SAGE1: variants seen among roughly 807,000 people sequenced by gnomAD.
SAGE1 encodes the protein sarcoma antigen 1.
Under a neutral mutation model 55.4 loss-of-function variants are expected in SAGE1, and 55 were observed. The ratio of observed to expected loss-of-function variants is 0.99; its 90% CI spans 0.80 to 1.24. The LOEUF is 1.24. Among genes scored for constraint, SAGE1 ranks in the 50% most tolerant of loss-of-function variants. The probability of loss-of-function intolerance (pLI) is 0.00; values close to 1 mark genes in which losing one functional copy is unlikely to be tolerated. For synonymous variants in SAGE1, 240 were observed against 244.3 expected (o/e 0.98, Z 0.17); for missense variants, 710 against 704.4 (o/e 1.01, Z -0.09).
At chrX:135,898,266 G>T (rs1364405905) in intron 2 of SAGE1, among the ~76,000 whole-genome samples, 2 of 110,950 alleles carry the variant, frequency 1.8e-5, no homozygotes, top group African/African-American at 6.5e-5. Flanking sequence ...TGATCCGCCC[G>T]CCTTGGCCTC....
chrX:135,901,111 C>T (rs1258195007), intron 2 of SAGE1, among the ~76,000 whole-genome samples: 2 of 87,782 alleles, frequency 2.3e-5, no homozygotes, highest in Non-Finnish European at 4.2e-5. Context: ...CAATTGCAAT[C>T]CAGCCTGGGC....
chrX:135,906,272 T>A (rs1247636974), intron 6 of SAGE1, 108 bp downstream of exon 6: 86 of 1,068,682 alleles, frequency 8.0e-5, no homozygotes, highest in Non-Finnish European at 1.1e-4. Context: ...GGCCTAAATC[T>A]GAGGGGTCTC....
chrX:135,896,859 G>C (rs781784617), intron 2 of SAGE1, among the ~76,000 whole-genome samples: 2 of 111,233 alleles, frequency 1.8e-5, no homozygotes, highest in Non-Finnish European at 3.8e-5. Flanking sequence ...GCACCTGGCC[G>C]AACTGATGTT....
rs185646582 is a variant in SAGE1 at position 135,906,885 on chromosome X, T to C, written c.737-41T>C. On this transcript the variant is annotated intron_variant, in intron 7 of 19. Transcript: ENST00000370709. Reference sequence around the variant, plus strand: ...GGATATACCTGTGGGGTTACCATAATACACTTACCTAACAGCTCAGCCTCT... The same window carrying C: ...GGATATACCTGTGGGGTTACCATAACACACTTACCTAACAGCTCAGCCTCT... 19 of 1,186,337 alleles carry C rather than the reference T, an allele frequency of 1.6e-5. No homozygotes were observed. The Admixed American group carries it at 2.9e-4, about 18-fold the overall frequency.
rs1012296593 is a variant in SAGE1 at position 135,911,824 on chromosome X, C to G, written c.2392C>G (p.Pro798Ala). Reference protein sequence around the residue: ...TKNYSVSAGDPPVTVMSLVET... With the variant: ...TKNYSVSAGDAPVTVMSLVET... ...AAACTACAGTGTCTCTGCAGGTGAC[C>G]CACCAGTTACAGTAATGTCTTTGGT... The change falls in exon 18 of 20, where the codon CCA (proline) becomes GCA (alanine). Residue 798 changes from proline (P) to alanine (A), a missense_variant. Coordinates refer to ENST00000370709, the MANE Select transcript of SAGE1 (RefSeq NM_001381902.1). 2.5e-6 allele frequency: 3 copies of G among 1,208,617 alleles called. No individual in the cohort carries two copies. The highest frequency in any genetic ancestry group is 3.4e-6 in the Non-Finnish European group (3 of 893,785).
At chrX:135,900,486 G>C (rs1214067363) in intron 2 of SAGE1, among the ~76,000 whole-genome samples, 1 of 111,114 alleles carries the variant, frequency 9.0e-6, no homozygotes, top group Non-Finnish European at 1.9e-5. Context: ...TTTGGTATCA[G>C]GGTGATGCTG....
intron 7 of SAGE1, 44 bp from the exon 8 acceptor site, chrX:135,906,882 T>C (rs1818883665): frequency 8.5e-7 from 1 of 1,183,073 alleles, no homozygotes; most frequent in African/African-American, 1.8e-5. Flanking sequence ...GGGGTTACCA[T>C]AATACACTTA....
intron 4 of SAGE1, among the ~76,000 whole-genome samples, chrX:135,904,984 C>T (rs1206414734): frequency 9.0e-6 from 1 of 111,453 alleles, no homozygotes; most frequent in African/African-American, 3.3e-5. Flanking sequence ...GGTATTCCAG[C>T]GATGAGTACC....
chrX:135,910,222 T>G, intron 15 of SAGE1, 52 bp downstream of exon 15: 1 of 1,119,740 alleles, frequency 8.9e-7, no homozygotes, highest in Non-Finnish European at 1.2e-6. Context: ...TATGCATGCA[T>G]AGTGTCATGA....
chrX:135,910,389 C>CA (rs1201431100), intron 15 of SAGE1, 26 bp from the exon 16 acceptor site: 1 of 1,205,397 alleles, frequency 8.3e-7, no homozygotes, highest in Non-Finnish European at 1.1e-6. Context: ...ACTTACCTCA[C>CA]GCCCAACCTC....
In SAGE1 at chrX:135,909,102, A is replaced by G; in HGVS notation, c.1582+98A>G. 3.8e-6 allele frequency: 3 copies of G among 798,948 alleles called. No homozygotes were observed. The South Asian group carries it at 8.6e-5, about 23-fold the overall frequency. The allele number at this position is 798,948 out of a possible 1,213,427, so 65.8% of individuals were successfully genotyped here. A position where few individuals can be genotyped will look rare whatever the true frequency, so the allele number is the denominator to read the frequency against. ...TGGTTTTGTAGTATATTCTTTCCTA[A>G]CCTCAATTTGAGGGATCTCAGTTGT... On this transcript the variant is annotated intron_variant, in intron 13 of 19. Coordinates refer to ENST00000370709, the MANE Select transcript of SAGE1 (RefSeq NM_001381902.1).
At chrX:135,900,700 G>A (rs1377849486) in intron 2 of SAGE1, among the ~76,000 whole-genome samples, 4 of 110,915 alleles carry the variant, frequency 3.6e-5, no homozygotes, top group Admixed American at 9.6e-5. Context: ...TGTAAAGCTC[G>A]CCCTACCCCT....
At position 135,910,376 on chromosome X, in the gene SAGE1, T is replaced by C. The variant is rs782416577; in HGVS notation, c.1865-39T>C. ...GGGTATGCCTGTGCGGTTGACATAATGCACTTACCTCACGCCCAACCTCTT... is the reference window on the plus strand; with the variant it reads ...GGGTATGCCTGTGCGGTTGACATAACGCACTTACCTCACGCCCAACCTCTT... On this transcript the variant is annotated intron_variant, in intron 15 of 19. Coordinates refer to ENST00000370709, the MANE Select transcript of SAGE1 (RefSeq NM_001381902.1). 3.3e-6 allele frequency: 4 copies of C among 1,199,542 alleles called. No homozygotes were observed. In the South Asian group the frequency reaches 7.2e-5, roughly 21 times the overall value.
chrX:135,910,463 A>C lies in SAGE1; in HGVS notation c.1913A>C (p.Gln638Pro). Reference protein sequence around the residue: ...NIREEKINNSQPAPGNILSTA... With the variant: ...NIREEKINNSPPAPGNILSTA... ...CGTGAAGAGAAGATAAATAACAGCCAACCAGCACCTGGTAACATCTTGTCA... is the reference window on the plus strand; with the variant it reads ...CGTGAAGAGAAGATAAATAACAGCCCACCAGCACCTGGTAACATCTTGTCA... The change falls in exon 16 of 20, where the codon CAA becomes CCA. Residue 638 changes from glutamine to proline, a missense_variant. Physicochemically the swap from Gln to Pro is moderately conservative, Grantham distance 76. Transcript: ENST00000370709. The C allele has an allele frequency of 8.3e-7, 1 of 1,210,075 alleles. No homozygotes were observed. Among genetic ancestry groups the C allele is most frequent in the Non-Finnish European group, 1.1e-6 (1 of 894,019 alleles).
chrX:135,905,819 G>A (rs1181156836), intron 5 of SAGE1, among the ~76,000 whole-genome samples: 1 of 111,841 alleles, frequency 8.9e-6, no homozygotes, highest in Admixed American at 9.5e-5. Context: ...CTTGCTTTTC[G>A]TACGCATGCA....
Position 135,908,261 on chromosome X carries a change from T to C in SAGE1, c.1300+32T>C, listed in dbSNP as rs782535244. 3.5e-6 allele frequency: 4 copies of C among 1,157,741 alleles called. No homozygotes were observed. The East Asian group carries it at 1.2e-4, about 35-fold the overall frequency. On this transcript the variant is annotated intron_variant, in intron 11 of 19. Coordinates refer to ENST00000370709, the MANE Select transcript of SAGE1 (RefSeq NM_001381902.1). ...TTGCTTACTAGTTGTACTATCCTAC[T>C]TGGTTTCCATATGAATGCAGTATCA... is the stretch of plus-strand genomic sequence containing the variant.
chrX:135,907,496 A>G (rs1556602591), intron 9 of SAGE1, 43 bp downstream of exon 9: 2 of 1,114,252 alleles, frequency 1.8e-6, no homozygotes, highest in Non-Finnish European at 2.4e-6. Flanking sequence ...TGGTTTACAT[A>G]TGAATGCACA....
At chrX:135,894,449 AGTT>A (rs782051394) in intron 1 of SAGE1, among the ~76,000 whole-genome samples, 14 of 112,435 alleles carry the variant, frequency 1.2e-4, no homozygotes, top group Non-Finnish European at 2.6e-4. Context: ...GTTGGCGTAA[AGTT>A]GTTCATAATG....
rs2088784851 is a variant in SAGE1 at position 135,906,167 on chromosome X, A to G, written c.595+3A>G. 1 of 1,192,470 alleles carries G rather than the reference A, an allele frequency of 8.4e-7. No individual in the cohort carries two copies. Among genetic ancestry groups the G allele is most frequent in the Non-Finnish European group, 1.1e-6 (1 of 885,086 alleles). ...AGCCATGAGTGCCAGAGATCTCTGT[A>G]TGTCCACTTATAAATTGTGCTGTCT... On this transcript the variant is annotated splice_donor_region_variant and intron_variant, in intron 6 of 19. Coordinates refer to ENST00000370709, the MANE Select transcript of SAGE1 (RefSeq NM_001381902.1).
Sources: gnomAD v4.1 joint callset for allele counts (sites outside exome capture counted in the v4.1 genomes callset) on GRCh38, gnomAD v4.1.1 for gene constraint, MANE v1.5 for transcripts, NCBI Gene and HGNC (gene_info 2026-07-23, HGNC 2026-07-21) for gene names.